PCDHGA7: variants seen among roughly 807,000 people sequenced by gnomAD.
PCDHGA7 encodes the protein protocadherin gamma subfamily A, 7, also known as protocadherin gamma-A7.
Under a neutral mutation model 58.3 loss-of-function variants are expected in PCDHGA7, and 44 were observed. The ratio of observed to expected loss-of-function variants is 0.75; its 90% CI spans 0.59 to 0.97. The LOEUF (loss-of-function observed/expected upper bound fraction) is 0.97. Ranked by LOEUF, PCDHGA7 falls within the 50% of genes least tolerant of loss-of-function variation. The pLI is 0.00. For missense variants in PCDHGA7, 1,266 were observed against 1,188.7 expected, an observed-to-expected ratio of 1.06 and a Z score of -0.96; for synonymous variants, 516 against 504.2, an observed-to-expected ratio of 1.02 and a Z score of -0.31.
At chr5:141,467,097 G>A (rs912875702) in intron 1 of PCDHGA7, among the ~76,000 whole-genome samples, 1 of 150,152 alleles carries the variant, frequency 6.7e-6, no homozygotes, top group Non-Finnish European at 1.5e-5. Context: ...CTGTCACACA[G>A]GCTGGAGTAC....
intron 1 of PCDHGA7, chr5:141,389,865 G>A: frequency 1.2e-6 from 2 of 1,614,080 alleles, no homozygotes; most frequent in Non-Finnish European, 1.7e-6. Flanking sequence ...GTTGCACCTG[G>A]TCTTCGCCGA....
intron 1 of PCDHGA7, chr5:141,389,222 C>T (rs765730840): frequency 6.2e-7 from 1 of 1,614,072 alleles, no homozygotes; most frequent in Non-Finnish European, 8.5e-7. Flanking sequence ...TAAATGACAA[C>T]GCTCCGGTTT....
At chr5:141,510,277 A>C (rs1242709133) in intron 3 of PCDHGA7, among the ~76,000 whole-genome samples, 5 of 151,916 alleles carry the variant, frequency 3.3e-5, no homozygotes, top group Admixed American at 2.6e-4. Flanking sequence ...CATCTTAAAA[A>C]AAAAAAAAAA....
intron 1 of PCDHGA7, among the ~76,000 whole-genome samples, chr5:141,406,468 T>C (rs2094813433): frequency 6.6e-6 from 1 of 152,230 alleles, no homozygotes; most frequent in Admixed American, 6.5e-5. Flanking sequence ...AACACCTCTT[T>C]GAGGTTATAT....
Position 141,388,496 on chromosome 5 carries a change from G to C in PCDHGA7, c.2424+3173G>C. The stretch of plus-strand genomic sequence containing the variant: ...TGAAGACACCTTTGGACAGAGAAAA[G>C]CAGAAATCCTACCACTTGACTTTGA... On this transcript the variant is annotated intron_variant, in intron 1 of 3. Coordinates refer to ENST00000518325, the MANE Select transcript of PCDHGA7 (RefSeq NM_018920.4). 1 of 1,613,828 alleles carries C rather than the reference G, an allele frequency of 6.2e-7. No individual in the cohort carries two copies. Among genetic ancestry groups the C allele is most frequent in the Admixed American group, 1.7e-5 (1 of 60,022 alleles).
chr5:141,400,954 G>A (rs1195267748), intron 1 of PCDHGA7, among the ~76,000 whole-genome samples: 1 of 152,014 alleles, frequency 6.6e-6, no homozygotes, highest in African/African-American at 2.4e-5. Context: ...GATTTCACTG[G>A]TAGTTTTCAT....
chr5:141,462,983 T>C (rs530985795), intron 1 of PCDHGA7, among the ~76,000 whole-genome samples: 278 of 152,304 alleles, frequency 1.8e-3, no homozygotes, highest in Non-Finnish European at 3.4e-3. Flanking sequence ...AACTTTTGCC[T>C]TGGGCTAATT....
intron 1 of PCDHGA7, among the ~76,000 whole-genome samples, chr5:141,482,178 C>T (rs950570560): frequency 2.6e-5 from 4 of 151,968 alleles, no homozygotes; most frequent in African/African-American, 4.8e-5. Context: ...TAAGGCTTTA[C>T]GATGCTCCAG....
Position 141,432,466 on chromosome 5 carries a change from G to A in PCDHGA7, c.2424+47143G>A, listed in dbSNP as rs149116648. 5.7e-4 allele frequency: 913 copies of A among 1,614,208 alleles called. 6 individuals carry two copies. In the African/African-American group the frequency reaches 0.011, roughly 19 times the overall value. On this transcript the variant is annotated intron_variant, in intron 1 of 3. Transcript: ENST00000518325. This position sits in a 1 kb window ranked among gnomAD's most constrained non-coding sequence, Gnocchi z 6.0. The stretch of plus-strand genomic sequence containing the variant: ...AGATCCTGTACCCCGCCCTCCCCAC[G>A]GACGGTTCCACTGGCGTGGAGCTGG...
chr5:141,403,026 AGGCCAG>A, intron 1 of PCDHGA7: 1 of 1,614,074 alleles, frequency 6.2e-7, no homozygotes, highest in Non-Finnish European at 8.5e-7. Context: ...ATGCTATGGG[AGGCCAG>A]GGCCAGTCAG....
At position 141,405,272 on chromosome 5, in the gene PCDHGA7, A is replaced by G. The variant is rs551265067; in HGVS notation, c.2424+19949A>G. The G allele has an allele frequency of 9.3e-6, 15 of 1,614,170 alleles. No individual in the cohort carries two copies. In the South Asian group the frequency reaches 1.6e-4, roughly 18 times the overall value. On this transcript the variant is annotated intron_variant, in intron 1 of 3. Transcript: ENST00000518325. ...GAGTCACCTGATCTTCCCCCAGCCC[A>G]ACTATGCAGACACACTCATCAGCCA...
intron 1 of PCDHGA7, chr5:141,441,182 CA>C (rs1434822697): frequency 6.6e-6 from 1 of 152,140 alleles, no homozygotes; most frequent in African/African-American, 2.4e-5. Flanking sequence ...TCTAATTCCA[CA>C]ATGATTCCCA....
Position 141,489,968 on chromosome 5 carries a change from A to G in PCDHGA7, c.2425-4839A>G. 6.2e-7 allele frequency: 1 copy of G among 1,614,146 alleles called. No homozygotes were observed. The highest frequency in any genetic ancestry group is 2.2e-5 in the East Asian group (1 of 44,880). On this transcript the variant is annotated intron_variant, in intron 1 of 3. Coordinates refer to ENST00000518325, the MANE Select transcript of PCDHGA7 (RefSeq NM_018920.4). This position sits in a 1 kb window ranked among gnomAD's most constrained non-coding sequence, Gnocchi z 4.5. Reference sequence around the variant, plus strand: ...ATCAATGATAATGCTCCAACCTTCCAATCCTCAGTTCTACGTGTGGGAATC... The same window carrying G: ...ATCAATGATAATGCTCCAACCTTCCGATCCTCAGTTCTACGTGTGGGAATC...
rs749007839 is a variant in PCDHGA7 at position 141,418,069 on chromosome 5, G to A, written c.2424+32746G>A. On this transcript the variant is annotated intron_variant, in intron 1 of 3. Coordinates refer to ENST00000518325, the MANE Select transcript of PCDHGA7 (RefSeq NM_018920.4). ...CGGCTCGCGAGCTGCGAGTGAGCGC[G>A]GAGAAGCTGCACTTCAGCGTAGACG... 1.7e-5 allele frequency: 28 copies of A among 1,613,926 alleles called. 1 individual carries two copies. The Middle Eastern group carries it at 9.9e-4, about 57-fold the overall frequency.
Position 141,383,471 on chromosome 5 carries a change from A to G in PCDHGA7, c.572A>G (p.Tyr191Cys). Residue 191 changes from tyrosine (Y) to cysteine (C), a missense_variant, in exon 1 of 4, where the codon TAC becomes TGC. Coordinates refer to ENST00000518325, the MANE Select transcript of PCDHGA7 (RefSeq NM_018920.4). The part of the protein sequence containing the change: ...AVQSGDDETK[Y>C]PELVLERVLD... Reference sequence around the variant, plus strand: ...CAAAGTGGAGACGATGAAACTAAGTACCCGGAACTGGTGCTGGAGCGGGTG... The same window carrying G: ...CAAAGTGGAGACGATGAAACTAAGTGCCCGGAACTGGTGCTGGAGCGGGTG... 1 of 1,613,632 alleles carries G rather than the reference A, an allele frequency of 6.2e-7. No individual in the cohort carries two copies. The highest frequency in any genetic ancestry group is 1.1e-5 in the South Asian group (1 of 91,034).
intron 1 of PCDHGA7, chr5:141,392,161 C>T (rs2092476241): frequency 6.6e-6 from 1 of 152,200 alleles, no homozygotes; most frequent in African/African-American, 2.4e-5. Context: ...AAAACAATTT[C>T]TGAGTCAGTC....
Position 141,384,020 on chromosome 5 carries a change from G to C in PCDHGA7, c.1121G>C (p.Arg374Thr). ...ATTGCTCTTTTCTACCTACAAGACA[G>C]AGATTCTGGAAAGAATGGTGAGGTG... Reference protein sequence around the residue: ...TVIALFYLQDRDSGKNGEVTC... With the variant: ...TVIALFYLQDTDSGKNGEVTC... Residue 374 changes from arginine (R) to threonine (T), a missense_variant, in exon 1 of 4, where the codon AGA (arginine) becomes ACA (threonine). Physicochemically the swap from Arg to Thr is moderately conservative, Grantham distance 71. Transcript: ENST00000518325. The C allele has an allele frequency of 6.2e-7, 1 of 1,613,730 alleles. No homozygotes were observed. Among genetic ancestry groups the C allele is most frequent in the Non-Finnish European group, 8.5e-7 (1 of 1,179,788 alleles).
chr5:141,403,961 G>T (rs763967342), intron 1 of PCDHGA7: 14 of 1,613,774 alleles, frequency 8.7e-6, no homozygotes, highest in Middle Eastern at 1.6e-4. Context: ...GCTCATTTCG[G>T]TGGAAGATGT....
rs150897033 is a variant in PCDHGA7, at chr5:141,453,434, G to C, written c.2425-41373G>C. Among the ~76,000 whole-genome samples the C allele has an allele frequency of 3.9e-3, 592 of 151,994 alleles. 6 individuals are homozygous for C. The highest frequency in any genetic ancestry group is 0.011 in the Admixed American group (171 of 15,256). On this transcript the variant is annotated intron_variant, in intron 1 of 3. Coordinates refer to ENST00000518325, the MANE Select transcript of PCDHGA7 (RefSeq NM_018920.4). Reference sequence around the variant, plus strand: ...GGCATAAGCCACCACACCTAGCCTAGTATTCTTTTTTGAATATGTAAAACA... The same window carrying C: ...GGCATAAGCCACCACACCTAGCCTACTATTCTTTTTTGAATATGTAAAACA...
Sources: gnomAD v4.1 joint callset for allele counts (sites outside exome capture counted in the v4.1 genomes callset) on GRCh38, gnomAD v4.1.1 for gene constraint, Gnocchi (gnomAD v3.1) non-coding constraint, MANE v1.5 for transcripts, NCBI Gene and HGNC (gene_info 2026-07-23, HGNC 2026-07-21) for gene names.